NLGN1: variants seen among roughly 807,000 people sequenced by gnomAD.
NLGN1 encodes the protein neuroligin-1.
Under a neutral mutation model 65.5 loss-of-function variants are expected in NLGN1, and 12 were observed. That is an observed-to-expected ratio of 0.18 (90% CI 0.12 to 0.30). The LOEUF is 0.30. Among genes scored for constraint, NLGN1 ranks in the 10% least tolerant of loss-of-function variants. The pLI is 1.00. For synonymous variants in NLGN1, 350 were observed against 359.5 expected (o/e 0.97, Z 0.30); for missense variants, 750 against 1,007.1 (o/e 0.74, Z 3.46).
chr3:173,800,003 ATTTT>A (rs11328249), intron 3 of NLGN1, among the ~76,000 whole-genome samples: 40 of 92,614 alleles, frequency 4.3e-4, no homozygotes, highest in African/African-American at 1.2e-3. Context: ...TGCAATGGGT[ATTTT>A]TTTTTTTTTT....
chr3:173,640,158 A>G (rs1757182577), intron 3 of NLGN1, among the ~76,000 whole-genome samples: 1 of 152,176 alleles, frequency 6.6e-6, no homozygotes, highest in Non-Finnish European at 1.5e-5. Context: ...TAAATTGCAA[A>G]TTATTTCCAA....
chr3:173,491,956 C>T (rs1729243821), intron 2 of NLGN1, among the ~76,000 whole-genome samples: 1 of 151,678 alleles, frequency 6.6e-6, no homozygotes, highest in Admixed American at 6.6e-5. Context: ...TGTGACCCAC[C>T]TGTGATCCTT....
intron 4 of NLGN1, among the ~76,000 whole-genome samples, chr3:174,071,931 T>C (rs1358170923): frequency 6.6e-6 from 1 of 152,110 alleles, no homozygotes; most frequent in Non-Finnish European, 1.5e-5. Context: ...TCGGAAGATC[T>C]GGAAACCCTT....
Position 173,491,796 on chromosome 3 carries a change from C to T in NLGN1, c.-321+56718C>T, listed in dbSNP as rs1334607502. Among the ~76,000 whole-genome samples the T allele has an allele frequency of 2.0e-5, 3 of 151,688 alleles. 1 individual carries two copies. Among genetic ancestry groups the T allele is most frequent in the African/African-American group, 4.9e-5 (2 of 41,066 alleles). On this transcript the variant is annotated intron_variant, in intron 2 of 6. Coordinates refer to ENST00000457714, the Ensembl canonical transcript of NLGN1. ...CCTAAACTGAGCATTATTTCCTTTA[C>T]TAAATCTGCTCCTAATTTAGCTCCC...
intron 3 of NLGN1, among the ~76,000 whole-genome samples, chr3:173,734,413 T>TTTTTTTTTAA (rs1491511719): frequency 1.3e-5 from 1 of 78,294 alleles, no homozygotes; most frequent in East Asian, 4.8e-4. Context: ...TTTTTTTTTT[T>TTTTTTTTTAA]AGAAACAGGG....
At chr3:173,572,347 T>A (rs912673816) in intron 2 of NLGN1, among the ~76,000 whole-genome samples, 1 of 152,244 alleles carries the variant, frequency 6.6e-6, no homozygotes, top group African/African-American at 2.4e-5. Context: ...ATTAAGCAGA[T>A]AAATGATTTG....
rs1184763017 is a variant in NLGN1, at chr3:173,993,978, C to A, written c.646+186146C>A. 2.0e-5 allele frequency among the ~76,000 whole-genome samples: 3 copies of A among 152,028 alleles called. No homozygotes were observed. The East Asian group carries it at 5.8e-4, about 29-fold the overall frequency. ...CTAGGAACCCAATTTAAGGCAAATT[C>A]TTTGTCGTCTCATATTATCGTAAGT... On this transcript the variant is annotated intron_variant, in intron 4 of 6. Transcript: ENST00000457714.
At chr3:173,691,501 T>C (rs78848918) in intron 3 of NLGN1, among the ~76,000 whole-genome samples, 2,937 of 152,290 alleles carry the variant, frequency 0.019, 37 homozygotes, top group Non-Finnish European at 0.03. Flanking sequence ...CCAGCGACTT[T>C]ATATTATGTT....
At chr3:174,190,695 C>T (rs1280485605) in intron 4 of NLGN1, among the ~76,000 whole-genome samples, 2 of 152,030 alleles carry the variant, frequency 1.3e-5, no homozygotes, top group Non-Finnish European at 2.9e-5. Flanking sequence ...TTTATGTTTA[C>T]ATGCAAGTGC....
rs550566991 is a variant in NLGN1 at position 174,238,652 on chromosome 3, G to A, written c.647-36663G>A. ...TGTGATTAAAGGCGTGAGACACCGC[G>A]CCCAGCCTATGAAGTACTTCTTATG... On this transcript the variant is annotated intron_variant, in intron 4 of 6. Transcript: ENST00000457714. Among the ~76,000 whole-genome samples, 60 of 152,240 alleles carry A rather than the reference G, an allele frequency of 3.9e-4. No individual in the cohort carries two copies. The Middle Eastern group carries it at 0.014, about 35-fold the overall frequency.
At chr3:174,041,490 A>T (rs1461233321) in intron 4 of NLGN1, among the ~76,000 whole-genome samples, 1 of 152,170 alleles carries the variant, frequency 6.6e-6, no homozygotes, top group African/African-American at 2.4e-5. Context: ...TAAATTCCTT[A>T]TGTGAATACC....
chr3:173,992,988 C>G (rs549952395), intron 4 of NLGN1, among the ~76,000 whole-genome samples: 1 of 152,012 alleles, frequency 6.6e-6, no homozygotes, highest in Admixed American at 6.6e-5. Context: ...GATTGTGTGG[C>G]GTAATAGTAC....
At chr3:174,060,016 C>A (rs1737048297) in intron 4 of NLGN1, among the ~76,000 whole-genome samples, 1 of 152,082 alleles carries the variant, frequency 6.6e-6, no homozygotes, top group South Asian at 2.1e-4. Flanking sequence ...AAGAGGGACA[C>A]TCAAAAACGT....
chr3:173,865,146 C>T (rs1453776367), intron 4 of NLGN1, among the ~76,000 whole-genome samples: 2 of 152,072 alleles, frequency 1.3e-5, no homozygotes, highest in Non-Finnish European at 2.9e-5. Context: ...TAGGTGGCAT[C>T]TTTAGCTTTA....
At chr3:173,882,833 C>G (rs1418293162) in intron 4 of NLGN1, among the ~76,000 whole-genome samples, 1 of 152,118 alleles carries the variant, frequency 6.6e-6, no homozygotes, top group Non-Finnish European at 1.5e-5. Flanking sequence ...CTGTTTAGTG[C>G]AAGAGATCTA....
At chr3:173,966,434 A>T (rs1378881595) in intron 4 of NLGN1, among the ~76,000 whole-genome samples, 7 of 152,230 alleles carry the variant, frequency 4.6e-5, no homozygotes, top group Admixed American at 4.6e-4. Flanking sequence ...TGTGTCATCT[A>T]ACAAAGGACA....
At chr3:173,781,947 A>G (rs73880578) in intron 3 of NLGN1, among the ~76,000 whole-genome samples, 5,058 of 152,256 alleles carry the variant, frequency 0.033, 287 homozygotes, top group African/African-American at 0.12. Flanking sequence ...TATTTGATTT[A>G]AGATTTAAGG....
At chr3:174,182,002 GAAT>G (rs1006719096) in intron 4 of NLGN1, among the ~76,000 whole-genome samples, 1 of 100,592 alleles carries the variant, frequency 9.9e-6, no homozygotes, top group Non-Finnish European at 2.1e-5. Flanking sequence ...AAAAAAAAAA[GAAT>G]GTCTCCGAAT....
intron 3 of NLGN1, among the ~76,000 whole-genome samples, chr3:173,768,890 C>A (rs1218101369): frequency 1.3e-5 from 2 of 152,064 alleles, no homozygotes; most frequent in Admixed American, 1.3e-4. Context: ...TATCATTCCA[C>A]CCCAGCCTCC....
Sources: gnomAD v4.1 joint callset for allele counts (sites outside exome capture counted in the v4.1 genomes callset) on GRCh38, gnomAD v4.1.1 for gene constraint, MANE v1.5 for transcripts, NCBI Gene and HGNC (gene_info 2026-07-23, HGNC 2026-07-21) for gene names.